Variants in SCARA5 observed in about 807,000 individuals in gnomAD.
SCARA5 encodes the protein scavenger receptor class A, member 5 (putative).
In SCARA5, 45 loss-of-function variants were observed where a neutral mutation model predicts 46.3. That is an observed-to-expected ratio of 0.97 (90% CI 0.76 to 1.24). The LOEUF is 1.24. SCARA5 is among the 50% of genes most tolerant of loss of function. The probability of loss-of-function intolerance (pLI) is 0.00; values close to 1 mark genes in which losing one functional copy is unlikely to be tolerated. For missense variants in SCARA5, 680 were observed against 689.0 expected, an observed-to-expected ratio of 0.99 and a Z score of 0.15; for synonymous variants, 333 against 306.5, an observed-to-expected ratio of 1.09 and a Z score of -0.90.
intron 7 of SCARA5, among the ~76,000 whole-genome samples, chr8:27,892,853 G>A (rs186353107): frequency 0.017 from 2,537 of 152,222 alleles, 111 homozygotes; most frequent in East Asian, 0.14. Context: ...TGATCCGCCT[G>A]CCTGGGCCTC....
chr8:27,909,267 C>G (rs1282700705), intron 5 of SCARA5, among the ~76,000 whole-genome samples: 1 of 152,084 alleles, frequency 6.6e-6, no homozygotes. Flanking sequence ...CAGCAGGAGT[C>G]ATGGTGGGGC....
chr8:27,963,168 A>C (rs1223982621), intron 3 of SCARA5, among the ~76,000 whole-genome samples: 1 of 152,152 alleles, frequency 6.6e-6, no homozygotes, highest in Non-Finnish European at 1.5e-5. Context: ...CCTGATGACC[A>C]CACCCAGTCA....
chr8:27,990,727 T>C (rs544231126), intron 1 of SCARA5, among the ~76,000 whole-genome samples: 2 of 152,154 alleles, frequency 1.3e-5, no homozygotes, highest in Non-Finnish European at 2.9e-5. Context: ...GCCAGTGTAC[T>C]CCAGCAGGTG....
At chr8:27,881,662 C>A (rs541970730) in intron 7 of SCARA5, among the ~76,000 whole-genome samples, 2 of 152,200 alleles carry the variant, frequency 1.3e-5, no homozygotes, top group Admixed American at 1.3e-4. Flanking sequence ...ACATGTACCC[C>A]CTGAATCTAA....
chr8:27,892,017 G>A (rs1400994417), intron 7 of SCARA5, among the ~76,000 whole-genome samples: 1 of 152,224 alleles, frequency 6.6e-6, no homozygotes, highest in African/African-American at 2.4e-5. Context: ...TGCCTTCCAC[G>A]TGGGAAAGAC....
chr8:27,897,337 G>T (rs1339499600), intron 7 of SCARA5, among the ~76,000 whole-genome samples: 4 of 152,204 alleles, frequency 2.6e-5, no homozygotes, highest in African/African-American at 4.8e-5. Context: ...GGAGCTCGGG[G>T]TCACGGAGAT....
chr8:27,920,376 G>C (rs1563526207), intron 4 of SCARA5, among the ~76,000 whole-genome samples: 1 of 152,122 alleles, frequency 6.6e-6, no homozygotes, highest in Admixed American at 6.5e-5. Context: ...ACTTTGGGAG[G>C]CTGAGGCAGG....
chr8:27,931,798 G>A (rs2129844926), intron 3 of SCARA5, among the ~76,000 whole-genome samples: 1 of 151,934 alleles, frequency 6.6e-6, no homozygotes, highest in Non-Finnish European at 1.5e-5. Context: ...GGGACTACAT[G>A]CACACGCCAC....
At chr8:27,945,500 T>C (rs1808021871) in intron 3 of SCARA5, among the ~76,000 whole-genome samples, 1 of 152,244 alleles carries the variant, frequency 6.6e-6, no homozygotes, top group South Asian at 2.1e-4. Flanking sequence ...AATTGAGTGC[T>C]GATCTCTGTG....
chr8:27,871,782 GC>G lies in SCARA5; in HGVS notation c.*151del. 6.8e-7 allele frequency: 1 copy of G among 1,480,314 alleles called. No individual in the cohort carries two copies. The highest frequency in any genetic ancestry group is 8.9e-7 in the Non-Finnish European group (1 of 1,117,730). The allele number at this position is 1,480,314 out of a possible 1,614,324, so 91.7% of individuals were successfully genotyped here. On this transcript the variant is annotated 3_prime_UTR_variant, in exon 9 of 9. Transcript: ENST00000354914. ...ATGTTCAAGAGGGAAATGACGACCG[GC>G]CCCCACGGTCCTGGGATGCAGGTGT... is the stretch of plus-strand genomic sequence containing the variant.
At chr8:27,918,611 G>GAGA (rs1280348290) in intron 4 of SCARA5, among the ~76,000 whole-genome samples, 1 of 148,240 alleles carries the variant, frequency 6.7e-6, no homozygotes, top group Non-Finnish European at 1.5e-5. Flanking sequence ...GAAGGAGGAG[G>GAGA]AAGAGGAGGG....
At chr8:27,965,393 C>A (rs1444426079) in intron 3 of SCARA5, among the ~76,000 whole-genome samples, 1 of 152,246 alleles carries the variant, frequency 6.6e-6, no homozygotes, top group Non-Finnish European at 1.5e-5. Flanking sequence ...GGCCAGCAGC[C>A]TCGCTCCCAC....
intron 7 of SCARA5, among the ~76,000 whole-genome samples, chr8:27,894,028 A>G (rs757195327): frequency 3.9e-5 from 6 of 152,362 alleles, no homozygotes; most frequent in Admixed American, 6.5e-5. Context: ...AACACAGCCA[A>G]GTTCTGGGTA....
intron 4 of SCARA5, among the ~76,000 whole-genome samples, chr8:27,913,203 G>T (rs796765935): frequency 6.6e-6 from 1 of 152,108 alleles, no homozygotes; most frequent in South Asian, 2.1e-4. Flanking sequence ...GGTTATGAAG[G>T]TCTTTACTGG....
chr8:27,908,335 C>T (rs770945036), intron 5 of SCARA5, among the ~76,000 whole-genome samples: 16 of 146,262 alleles, frequency 1.1e-4, no homozygotes, highest in Non-Finnish European at 1.8e-4. Context: ...TTGGCCACCT[C>T]CTGCGGTGAC....
chr8:27,924,146 T>TC (rs1807645431), intron 3 of SCARA5, among the ~76,000 whole-genome samples: 1 of 152,124 alleles, frequency 6.6e-6, no homozygotes, highest in Admixed American at 6.5e-5. Context: ...CCACGGCTGT[T>TC]CCCCACTCTG....
At chr8:27,981,566 C>T (rs537883330) in intron 2 of SCARA5, among the ~76,000 whole-genome samples, 191 of 152,326 alleles carry the variant, frequency 1.3e-3, no homozygotes, top group Non-Finnish European at 2.1e-3. Context: ...GTGTACGGCA[C>T]GTGGGGATGG....
chr8:27,889,209 T>A (rs1421247739), intron 7 of SCARA5, among the ~76,000 whole-genome samples: 1 of 152,128 alleles, frequency 6.6e-6, no homozygotes, highest in Non-Finnish European at 1.5e-5. Context: ...AAGGCATGGG[T>A]CTGGACAAGG....
intron 2 of SCARA5, among the ~76,000 whole-genome samples, chr8:27,982,282 C>T (rs1056451831): frequency 6.6e-6 from 1 of 152,090 alleles, no homozygotes; most frequent in Non-Finnish European, 1.5e-5. Context: ...CCAGTCCCCA[C>T]CCACTCCCAG....
Sources: gnomAD v4.1 joint callset for allele counts (sites outside exome capture counted in the v4.1 genomes callset) on GRCh38, gnomAD v4.1.1 for gene constraint, MANE v1.5 for transcripts, NCBI Gene and HGNC (gene_info 2026-07-23, HGNC 2026-07-21) for gene names.